The following DLC1 variants were observed in gnomAD, a reference collection of about 807,000 sequenced individuals.
DLC1 encodes the protein DLC1 Rho GTPase activating protein, also known as rho GTPase-activating protein 7.
In DLC1, 54 loss-of-function variants were observed where a neutral mutation model predicts 140.3. The observed-to-expected ratio is 0.38, with a 90% CI of 0.31 to 0.48. The LOEUF is 0.48. Among genes scored for constraint, DLC1 ranks in the 20% least tolerant of loss-of-function variants. The pLI, the probability that DLC1 is intolerant of heterozygous loss-of-function variation, is 0.96. For synonymous variants in DLC1, 986 were observed against 728.1 expected (o/e 1.35, Z -5.70); for missense variants, 2,536 against 1,907.0 (o/e 1.33, Z -6.14).
intron 2 of DLC1, among the ~76,000 whole-genome samples, chr8:13,481,640 A>G (rs1454803191): frequency 6.6e-6 from 1 of 152,206 alleles, no homozygotes; most frequent in African/African-American, 2.4e-5. Flanking sequence ...GCCCCGTTGT[A>G]CTGTTATATG....
intron 5 of DLC1, among the ~76,000 whole-genome samples, chr8:13,217,076 A>G (rs1474712126): frequency 1.3e-5 from 2 of 152,166 alleles, no homozygotes; most frequent in African/African-American, 4.8e-5. Flanking sequence ...CAGCAATCAC[A>G]TCTTAATACT....
At chr8:13,452,813 G>A (rs1365723357) in intron 2 of DLC1, among the ~76,000 whole-genome samples, 1 of 152,154 alleles carries the variant, frequency 6.6e-6, no homozygotes, top group Non-Finnish European at 1.5e-5. Flanking sequence ...TTTTGGGACT[G>A]TTGACTTTCC....
At chr8:13,164,895 A>G (rs1202686411) in intron 5 of DLC1, among the ~76,000 whole-genome samples, 1 of 152,226 alleles carries the variant, frequency 6.6e-6, no homozygotes, top group Non-Finnish European at 1.5e-5. Flanking sequence ...CTGAATTAGC[A>G]GAGATTGTGA....
chr8:13,587,691 A>G (rs969371562), intron 1 of DLC1, among the ~76,000 whole-genome samples: 2 of 150,856 alleles, frequency 1.3e-5, no homozygotes, highest in African/African-American at 2.4e-5. Context: ...TCTTTAATCC[A>G]TAAGTTCTGT....
chr8:13,343,723 T>G (rs899766450), intron 4 of DLC1, among the ~76,000 whole-genome samples: 1 of 152,192 alleles, frequency 6.6e-6, no homozygotes, highest in Non-Finnish European at 1.5e-5. Context: ...TTTCCTACAC[T>G]GGATCGCCTC....
At chr8:13,248,368 G>C (rs1182632982) in intron 5 of DLC1, among the ~76,000 whole-genome samples, 3 of 151,764 alleles carry the variant, frequency 2.0e-5, no homozygotes, top group African/African-American at 7.3e-5. Flanking sequence ...TATTAGGTTA[G>C]TTGCAGGAAG....
chr8:13,445,523 A>G (rs1798736524), intron 2 of DLC1, among the ~76,000 whole-genome samples: 1 of 152,224 alleles, frequency 6.6e-6, no homozygotes, highest in African/African-American at 2.4e-5. Flanking sequence ...GGCACAAGGT[A>G]AGGAACCACC....
chr8:13,097,055 A>G (rs567834938), intron 10 of DLC1, among the ~76,000 whole-genome samples: 1 of 152,270 alleles, frequency 6.6e-6, no homozygotes, highest in Admixed American at 6.5e-5. Flanking sequence ...CACATTCTAT[A>G]TACTAAGGAG....
chr8:13,346,262 G>T (rs1034687342), intron 4 of DLC1, among the ~76,000 whole-genome samples: 2 of 152,168 alleles, frequency 1.3e-5, no homozygotes, highest in African/African-American at 4.8e-5. Flanking sequence ...ATTCACAGTC[G>T]TGTCAGAAGA....
chr8:13,428,828 T>C lies in DLC1; in HGVS notation c.1024-27209A>G, dbSNP rs549783057. 4.5e-4 allele frequency among the ~76,000 whole-genome samples: 69 copies of C among 152,336 alleles called. 1 individual carries two copies. In the South Asian group the frequency reaches 0.014, roughly 31 times the overall value. ...ATTTTAGGTGGCCCGAGGGTGTTCT[T>C]GAAAACGTAGAACTAATTCTTCAAA... On this transcript the variant is annotated intron_variant, in intron 2 of 17. Transcript: ENST00000276297.
chr8:13,307,981 T>G (rs775302765), intron 4 of DLC1, among the ~76,000 whole-genome samples: 6 of 152,234 alleles, frequency 3.9e-5, no homozygotes, highest in African/African-American at 1.2e-4. Context: ...ATATTTTGTA[T>G]GAGACATTTA....
intron 2 of DLC1, among the ~76,000 whole-genome samples, chr8:13,423,425 T>A (rs74534666): frequency 1.1e-4 from 16 of 152,160 alleles, no homozygotes; most frequent in Non-Finnish European, 1.8e-4. Flanking sequence ...AGTAGACTTG[T>A]TTTATAAGCT....
intron 5 of DLC1, among the ~76,000 whole-genome samples, chr8:13,278,840 T>C (rs1176276092): frequency 1.3e-5 from 2 of 152,206 alleles, no homozygotes; most frequent in African/African-American, 4.8e-5. Context: ...TAGTGTTGTA[T>C]ATAGACTAGC....
At chr8:13,556,483 G>A (rs984337301) in intron 1 of DLC1, among the ~76,000 whole-genome samples, 1 of 152,196 alleles carries the variant, frequency 6.6e-6, no homozygotes, top group Non-Finnish European at 1.5e-5. Context: ...ATACCCGGCA[G>A]GGGGTCCAGA....
At position 13,232,300 on chromosome 8, in the gene DLC1, T is replaced by G. The variant is rs146555251; in HGVS notation, c.1348+72969A>C. ...CACACAGGGTAAATATTGAAGCATT[T>G]TGACTTCCTTGCCATTCCAACCTGA... On this transcript the variant is annotated intron_variant, in intron 5 of 17. Transcript: ENST00000276297. 3.9e-3 allele frequency among the ~76,000 whole-genome samples: 595 copies of G among 152,258 alleles called. 3 individuals carry two copies. Among genetic ancestry groups the G allele is most frequent in the African/African-American group, 0.014 (580 of 41,548 alleles).
intron 2 of DLC1, among the ~76,000 whole-genome samples, chr8:13,474,911 C>A (rs1362138689): frequency 6.6e-6 from 1 of 152,168 alleles, no homozygotes; most frequent in Non-Finnish European, 1.5e-5. Flanking sequence ...AAGGCACTTG[C>A]CTTGTCTCAG....
chr8:13,315,306 C>T (rs1832824056), intron 4 of DLC1, among the ~76,000 whole-genome samples: 1 of 152,196 alleles, frequency 6.6e-6, no homozygotes, highest in African/African-American at 2.4e-5. Context: ...TCAAAAATTT[C>T]ACAAGAGGTT....
At chr8:13,413,538 TG>T (rs1837904859) in intron 2 of DLC1, among the ~76,000 whole-genome samples, 1 of 151,932 alleles carries the variant, frequency 6.6e-6, no homozygotes, top group Non-Finnish European at 1.5e-5. Flanking sequence ...AAAATAAATC[TG>T]GAAGGATATC....
chr8:13,168,745 A>G (rs1259054752), intron 5 of DLC1, among the ~76,000 whole-genome samples: 3 of 152,232 alleles, frequency 2.0e-5, no homozygotes, highest in Non-Finnish European at 4.4e-5. Context: ...TGAAGTCCAC[A>G]TCAAACCGAT....
Sources: gnomAD v4.1 joint callset for allele counts (sites outside exome capture counted in the v4.1 genomes callset) on GRCh38, gnomAD v4.1.1 for gene constraint, MANE v1.5 for transcripts, NCBI Gene and HGNC (gene_info 2026-07-23, HGNC 2026-07-21) for gene names.